The following TMEM245 variants were observed in gnomAD, a reference collection of about 807,000 sequenced individuals.
The protein encoded by TMEM245 is transmembrane protein 245, also known as protein CG-2.
TMEM245 carries 69 observed loss-of-function variants against 101.2 expected under a neutral mutation model. The ratio of observed to expected loss-of-function variants is 0.68; its 90% confidence interval spans 0.56 to 0.83. The LOEUF (loss-of-function observed/expected upper bound fraction) is 0.83, where lower values mean the gene tolerates loss of function less well. Ranked by LOEUF, TMEM245 falls within the 40% of genes least tolerant of loss-of-function variation. The pLI is 0.00. For missense variants in TMEM245, 1,075 were observed against 1,092.8 expected (o/e 0.98, Z 0.23); for synonymous variants, 537 against 449.8 (o/e 1.19, Z -2.45).
intron 17 of TMEM245, among the ~76,000 whole-genome samples, chr9:109,021,046 C>A (rs1475914195): frequency 6.6e-6 from 1 of 152,218 alleles, no homozygotes; most frequent in Non-Finnish European, 1.5e-5. Flanking sequence ...TGAACTGTTT[C>A]TGACCCACAT....
intron 9 of TMEM245, among the ~76,000 whole-genome samples, chr9:109,070,636 G>A (rs1276499865): frequency 6.8e-6 from 1 of 146,632 alleles, no homozygotes; most frequent in Non-Finnish European, 1.5e-5. Flanking sequence ...TGAAAAGCCT[G>A]TTCTAGAATG....
At chr9:109,021,124 G>A (rs553776684) in intron 17 of TMEM245, among the ~76,000 whole-genome samples, 6 of 152,302 alleles carry the variant, frequency 3.9e-5, no homozygotes, top group East Asian at 3.9e-4. Flanking sequence ...GCTGAGCACC[G>A]TGCCTGACTG....
chr9:109,028,611 T>C (rs560371756), intron 17 of TMEM245, among the ~76,000 whole-genome samples: 1 of 152,140 alleles, frequency 6.6e-6, no homozygotes, highest in South Asian at 2.1e-4. Flanking sequence ...ATATAATGAA[T>C]GTCCCTCATT....
At chr9:109,043,554 A>G (rs905152983) in intron 14 of TMEM245, among the ~76,000 whole-genome samples, 2 of 152,086 alleles carry the variant, frequency 1.3e-5, no homozygotes, top group African/African-American at 4.8e-5. Flanking sequence ...GATTATTGAC[A>G]GTTGTTCTTT....
chr9:109,098,918 A>G (rs1488057530), intron 3 of TMEM245, among the ~76,000 whole-genome samples: 1 of 152,224 alleles, frequency 6.6e-6, no homozygotes, highest in Non-Finnish European at 1.5e-5. Context: ...CAGGTCAGAC[A>G]GTGTCTGTTA....
intron 14 of TMEM245, among the ~76,000 whole-genome samples, chr9:109,045,247 G>A (rs1828450819): frequency 6.6e-6 from 1 of 152,116 alleles, no homozygotes. Flanking sequence ...CCCTTGAGAG[G>A]TCACATCTTC....
At chr9:109,048,004 A>G (rs929211579) in intron 14 of TMEM245, among the ~76,000 whole-genome samples, 2 of 152,212 alleles carry the variant, frequency 1.3e-5, no homozygotes, top group Non-Finnish European at 2.9e-5. Context: ...TCATCATTTC[A>G]TTTATTCAGC....
chr9:109,051,339 C>CACACA (rs1005589201), intron 12 of TMEM245, among the ~76,000 whole-genome samples: 1 of 146,984 alleles, frequency 6.8e-6, no homozygotes, highest in Non-Finnish European at 1.5e-5. Flanking sequence ...CACACACACA[C>CACACA]ATCATTGTAG....
At chr9:109,085,133 A>G (rs1262642927) in intron 7 of TMEM245, among the ~76,000 whole-genome samples, 2 of 152,160 alleles carry the variant, frequency 1.3e-5, no homozygotes, top group Non-Finnish European at 2.9e-5. Context: ...TAAGAAACAG[A>G]GTCTTGCTGT....
chr9:109,049,704 G>A (rs1410195472), intron 14 of TMEM245, among the ~76,000 whole-genome samples: 4 of 152,104 alleles, frequency 2.6e-5, no homozygotes, highest in African/African-American at 9.7e-5. Flanking sequence ...GTGCACGCCT[G>A]TAATCCCAGC....
At chr9:109,047,672 T>C (rs1828540545) in intron 14 of TMEM245, among the ~76,000 whole-genome samples, 1 of 152,140 alleles carries the variant, frequency 6.6e-6, no homozygotes, top group Admixed American at 6.5e-5. Flanking sequence ...CAAGAGAAAA[T>C]TCAAAAGCTG....
chr9:109,062,028 A>G (rs1157430624), intron 10 of TMEM245, among the ~76,000 whole-genome samples: 1 of 152,076 alleles, frequency 6.6e-6, no homozygotes, highest in Non-Finnish European at 1.5e-5. Context: ...TTTTTGAGAC[A>G]GGGTCTCACT....
intron 7 of TMEM245, among the ~76,000 whole-genome samples, chr9:109,083,929 A>AAAAAAAAAC (rs1298306808): frequency 1.4e-5 from 2 of 140,210 alleles, no homozygotes; most frequent in Non-Finnish European, 3.1e-5. Context: ...AAAAAAAAAA[A>AAAAAAAAAC]CACCAGGCAT....
At position 109,060,391 on chromosome 9, in the gene TMEM245, T is replaced by A. The variant is rs371023802; in HGVS notation, c.1685A>T (p.Glu562Val). The A allele has an allele frequency of 6.2e-7, 1 of 1,613,814 alleles. No individual in the cohort carries two copies. Among genetic ancestry groups the A allele is most frequent in the Non-Finnish European group, 8.5e-7 (1 of 1,179,862 alleles). The change falls in exon 11 of 18, where the codon GAA becomes GTA. Residue 562 changes from glutamate to valine, a missense_variant. This residue lies in a region of TMEM245 where 808 missense variants were observed against 741.5 expected (regional missense o/e 1.09). Coordinates refer to ENST00000374586, the MANE Select transcript of TMEM245 (RefSeq NM_032012.4). ...AGAGTGATACAGTCTGTCCCAAAGTTCTAGTACTTGCTTTTCAATTACAGC... is the reference window on the plus strand; with the variant it reads ...AGAGTGATACAGTCTGTCCCAAAGTACTAGTACTTGCTTTTCAATTACAGC... ...NTAVIEKQVL[E>V]LWDRLYHSWF... is the part of the protein sequence containing the mutation.
In TMEM245 at chr9:109,087,292, C is replaced by CTAGGAAAT; in HGVS notation, c.1193_1200dup (p.Glu401IlefsTer3). The CTAGGAAAT allele has an allele frequency of 6.2e-7, 1 of 1,612,934 alleles. No individual in the cohort carries two copies. The highest frequency in any genetic ancestry group is 1.7e-5 in the Admixed American group (1 of 59,778). Reference sequence around the variant, plus strand: ...CCCCACCACACATGGTAGCGTTTCTCTAGGAAATCCACAACTCCAAAGTGA... The same window carrying CTAGGAAAT: ...CCCCACCACACATGGTAGCGTTTCTCTAGGAAATTAGGAAATCCACAACTCCAAAGTGA... On this transcript the variant is annotated frameshift_variant, in exon 6 of 18. Coordinates refer to ENST00000374586, the MANE Select transcript of TMEM245 (RefSeq NM_032012.4). LOFTEE classifies it high-confidence loss of function.
At chr9:109,028,013 A>G (rs1235847512) in intron 17 of TMEM245, among the ~76,000 whole-genome samples, 2 of 152,084 alleles carry the variant, frequency 1.3e-5, no homozygotes, top group Non-Finnish European at 1.5e-5. Context: ...CCAACAGCCA[A>G]ACACCTTCAA....
chr9:109,107,839 A>C lies in TMEM245; in HGVS notation c.697+614T>G, dbSNP rs13294092. Among the ~76,000 whole-genome samples, 420 of 152,342 alleles carry C rather than the reference A, an allele frequency of 2.8e-3. 4 individuals are homozygous for C. The highest frequency in any genetic ancestry group is 4.8e-3 in the Non-Finnish European group (325 of 68,028). On this transcript the variant is annotated intron_variant, in intron 2 of 17. Coordinates refer to ENST00000374586, the MANE Select transcript of TMEM245 (RefSeq NM_032012.4). ...ACATCTGAGCAGCCACCCAGCTAAC[A>C]TAACAGGGAACCCATTACTCTGAGC... is the stretch of plus-strand genomic sequence containing the variant.
chr9:109,105,520 C>T (rs999496173), intron 3 of TMEM245, among the ~76,000 whole-genome samples: 1 of 152,180 alleles, frequency 6.6e-6, no homozygotes, highest in Admixed American at 6.5e-5. Flanking sequence ...GAACTGAAAA[C>T]GTGTATTCAA....
rs551475237 is a variant in TMEM245 at position 109,107,243 on chromosome 9, A to T, written c.698-634T>A. Among the ~76,000 whole-genome samples, 323 of 151,714 alleles carry T rather than the reference A, an allele frequency of 2.1e-3. 2 individuals are homozygous for T. The highest frequency in any genetic ancestry group is 0.013 in the South Asian group (63 of 4,778). ...TCTCCACTAAAAATAAAAATAAAAA[A>T]AAAAAATTAGCCAGGCGTGGTGGTA... On this transcript the variant is annotated intron_variant, in intron 2 of 17. Transcript: ENST00000374586.
Sources: gnomAD v4.1 joint callset for allele counts (sites outside exome capture counted in the v4.1 genomes callset) on GRCh38, gnomAD v4.1.1 for gene constraint, gnomAD v4.1.1 regional missense constraint, MANE v1.5 for transcripts, NCBI Gene and HGNC (gene_info 2026-07-23, HGNC 2026-07-21) for gene names.